ADAMTSL1: variants seen among roughly 807,000 people sequenced by gnomAD.
ADAMTSL1 encodes the protein ADAMTS-like protein 1.
A neutral mutation model predicts 201.8 loss-of-function variants in ADAMTSL1; 126 were observed. The observed-to-expected ratio is 0.62, with a 90% CI of 0.54 to 0.72. The LOEUF (loss-of-function observed/expected upper bound fraction) is 0.72, where lower values mean the gene tolerates loss of function less well. ADAMTSL1 is among the 30% of genes least tolerant of loss of function. The probability of loss-of-function intolerance (pLI) is 0.00; values close to 1 mark genes in which losing one functional copy is unlikely to be tolerated. For missense variants in ADAMTSL1, 2,679 were observed against 2,277.8 expected (o/e 1.18, Z -3.59); for synonymous variants, 1,121 against 903.4 (o/e 1.24, Z -4.32).
chr9:18,795,259 C>G, intron 19 of ADAMTSL1, 138 bp from the exon 20 acceptor site: 1 of 1,103,500 alleles, frequency 9.1e-7, no homozygotes, highest in Non-Finnish European at 1.3e-6. Context: ...TCTTGATTGT[C>G]CTTGTAGCTG....
chr9:18,772,970 C>T (rs1299040879), intron 17 of ADAMTSL1, among the ~76,000 whole-genome samples: 3 of 152,160 alleles, frequency 2.0e-5, no homozygotes, highest in African/African-American at 7.2e-5. Flanking sequence ...GAAGTAATCA[C>T]TGAATTGTTG....
At chr9:18,222,104 T>G (rs1480771539) in intron 2 of ADAMTSL1, among the ~76,000 whole-genome samples, 1 of 152,018 alleles carries the variant, frequency 6.6e-6, no homozygotes, top group Non-Finnish European at 1.5e-5. Flanking sequence ...CTATCTATGA[T>G]TTTGTTTGAT....
intron 2 of ADAMTSL1, among the ~76,000 whole-genome samples, chr9:18,354,246 T>A (rs1192222249): frequency 2.0e-5 from 3 of 151,886 alleles, no homozygotes; most frequent in African/African-American, 7.2e-5. Flanking sequence ...AATTAACTAG[T>A]CATTTATTGA....
At chr9:18,123,095 A>G (rs1245302090) in intron 1 of ADAMTSL1, among the ~76,000 whole-genome samples, 1 of 152,204 alleles carries the variant, frequency 6.6e-6, no homozygotes, top group Non-Finnish European at 1.5e-5. Flanking sequence ...ATGTGTGACA[A>G]CAGAAAATTG....
At chr9:18,795,313 G>C in intron 19 of ADAMTSL1, 84 bp from the exon 20 acceptor site, 1 of 1,567,962 alleles carries the variant, frequency 6.4e-7, no homozygotes, top group Admixed American at 1.8e-5. Context: ...ACACCCTGAG[G>C]TTCCTTCCTG....
intron 14 of ADAMTSL1, among the ~76,000 whole-genome samples, chr9:18,709,172 G>A (rs966872611): frequency 5.9e-5 from 9 of 152,040 alleles, no homozygotes; most frequent in Admixed American, 3.3e-4. Flanking sequence ...AGTTAGAGTC[G>A]AAAATTCCAA....
chr9:18,655,806 T>TAAAAAAAAAAAAAAAAAAAAA lies in ADAMTSL1; in HGVS notation c.835-1822_835-1802dup, dbSNP rs56662538. Among the ~76,000 whole-genome samples the TAAAAAAAAAAAAAAAAAAAAA allele has an allele frequency of 6.6e-4, 54 of 81,842 alleles. 1 individual carries two copies. The highest frequency in any genetic ancestry group is 9.9e-4 in the African/African-American group (15 of 15,104). The allele number at this position is 81,842 out of a possible 152,430, so 53.7% of individuals were successfully genotyped here. A position where few individuals can be genotyped will look rare whatever the true frequency, so the allele number is the denominator to read the frequency against. ...AGAGAGCTAGAGGCTTTTGTGAGCT[T>TAAAAAAAAAAAAAAAAAAAAA]AAAAAAAAAAAAAAAAAAAAAAAAA... On this transcript the variant is annotated intron_variant, in intron 7 of 28. Transcript: ENST00000380548.
intron 2 of ADAMTSL1, among the ~76,000 whole-genome samples, chr9:18,524,990 T>C (rs1421397304): frequency 1.3e-5 from 2 of 152,240 alleles, no homozygotes; most frequent in East Asian, 3.8e-4. Context: ...CTTTTTCTAT[T>C]GATTGGAATA....
chr9:18,109,951 A>G (rs1327483735), intron 1 of ADAMTSL1, among the ~76,000 whole-genome samples: 1 of 152,148 alleles, frequency 6.6e-6, no homozygotes, highest in Non-Finnish European at 1.5e-5. Flanking sequence ...TGTGCAAATT[A>G]CCTTGGGATA....
At chr9:18,404,107 A>T (rs2133279362) in intron 2 of ADAMTSL1, among the ~76,000 whole-genome samples, 1 of 152,334 alleles carries the variant, frequency 6.6e-6, no homozygotes, top group East Asian at 1.9e-4. Flanking sequence ...TCCTTCTCTC[A>T]TAGAAACTTC....
At position 18,474,262 on chromosome 9, in the gene ADAMTSL1, C is replaced by T; in HGVS notation, c.30C>T (p.Gly10=). 6.2e-7 allele frequency: 1 copy of T among 1,614,154 alleles called. No individual in the cohort carries two copies. The highest frequency in any genetic ancestry group is 8.5e-7 in the Non-Finnish European group (1 of 1,180,018). The change falls in exon 1 of 29, where the codon GGC becomes GGT. Residue 10 remains glycine (G), a synonymous_variant. Coordinates refer to ENST00000380548, the MANE Select transcript of ADAMTSL1 (RefSeq NM_001040272.6). Reference sequence around the variant, plus strand: ...AATGCTGCCGTCGGGCAACTCCTGGCACACTGCTCCTCTTTCTGGCTTTCC... The same window carrying T: ...AATGCTGCCGTCGGGCAACTCCTGGTACACTGCTCCTCTTTCTGGCTTTCC... The part of the protein sequence containing the change: MECCRRATP[G]TLLLFLAFLL...
intron 13 of ADAMTSL1, among the ~76,000 whole-genome samples, chr9:18,694,630 G>A (rs1831438970): frequency 1.3e-5 from 2 of 152,182 alleles, no homozygotes; most frequent in Non-Finnish European, 2.9e-5. Context: ...CCACACTGAT[G>A]CAAGGGGTGG....
chr9:18,645,184 T>C (rs1248769398), intron 7 of ADAMTSL1, among the ~76,000 whole-genome samples: 2 of 152,366 alleles, frequency 1.3e-5, no homozygotes, highest in Admixed American at 6.5e-5. Context: ...CAAAAATGTC[T>C]TCTTTTGAGA....
intron 1 of ADAMTSL1, among the ~76,000 whole-genome samples, chr9:18,107,840 G>T (rs73420882): frequency 1.1e-4 from 17 of 152,052 alleles, no homozygotes; most frequent in African/African-American, 4.1e-4. Context: ...GTTACGCCAG[G>T]AAGTGTTAAA....
rs138676526 is a variant in ADAMTSL1 at position 18,216,550 on chromosome 9, A to C, written c.207+52569A>C. Among the ~76,000 whole-genome samples the C allele has an allele frequency of 2.6e-5, 4 of 152,200 alleles. No homozygotes were observed. In the East Asian group the frequency reaches 7.7e-4, roughly 29 times the overall value. On this transcript the variant is annotated intron_variant, in intron 2 of 29. Transcript: ENST00000680146. ...TGGCAGCAGCATCAAGCTCCCTCTG[A>C]CAGGTAAGGCCCTAAAGCCAAGGCA...
chr9:18,314,412 G>A (rs1235150299), intron 2 of ADAMTSL1, among the ~76,000 whole-genome samples: 1 of 152,060 alleles, frequency 6.6e-6, no homozygotes, highest in Non-Finnish European at 1.5e-5. Context: ...TCCGGAGTTT[G>A]TTCCTTCTGG....
chr9:18,686,435 C>G (rs1830842669), intron 13 of ADAMTSL1, among the ~76,000 whole-genome samples: 1 of 152,108 alleles, frequency 6.6e-6, no homozygotes, highest in African/African-American at 2.4e-5. Context: ...CTGCCAGTAC[C>G]TGATTTGACA....
At chr9:18,291,698 CTCTCTCTCTCTCTCTCTT>C (rs1270320765) in intron 2 of ADAMTSL1, among the ~76,000 whole-genome samples, 164 of 130,072 alleles carry the variant, frequency 1.3e-3, no homozygotes, top group African/African-American at 4.7e-3. Context: ...TGCGCACATG[CTCTCTCTCTCTCTCTCTT>C]TCTCTCTCTC....
chr9:18,265,954 T>C (rs566936092), intron 2 of ADAMTSL1, among the ~76,000 whole-genome samples: 1 of 152,330 alleles, frequency 6.6e-6, no homozygotes, highest in Non-Finnish European at 1.5e-5. Flanking sequence ...GGACATTTAC[T>C]ATTTTTTGAG....
Sources: allele counts gnomAD v4.1 joint callset (sites outside exome capture counted in the v4.1 genomes callset), GRCh38; gene constraint gnomAD v4.1.1; transcripts MANE v1.5; gene names NCBI Gene and HGNC (gene_info 2026-07-23, HGNC 2026-07-21).